The following CLIC5 variants were observed in gnomAD, a reference collection of about 807,000 sequenced individuals.
CLIC5 encodes chloride intracellular channel protein 5.
A neutral mutation model predicts 24.7 loss-of-function variants in CLIC5; 20 were observed. The ratio of observed to expected loss-of-function variants is 0.81; its 90% CI spans 0.57 to 1.18. The LOEUF (loss-of-function observed/expected upper bound fraction) is 1.18, where lower values mean the gene tolerates loss of function less well. CLIC5 is among the 50% of genes most tolerant of loss of function. CLIC5 has a pLI of 0.00. For synonymous variants in CLIC5, 159 were observed against 135.6 expected, an observed-to-expected ratio of 1.17 and a Z score of -1.20; for missense variants, 341 against 326.1, an observed-to-expected ratio of 1.05 and a Z score of -0.35.
At chr6:45,914,153 G>A in intron 5 of CLIC5, 75 bp downstream of exon 5, 1 of 1,280,974 alleles carries the variant, frequency 7.8e-7, no homozygotes. Context: ...TACTGTCCTT[G>A]ACTCATCCAC....
intron 1 of CLIC5, among the ~76,000 whole-genome samples, chr6:45,973,899 C>T (rs1765287067): frequency 1.4e-5 from 2 of 147,090 alleles, no homozygotes; most frequent in Admixed American, 6.8e-5. Flanking sequence ...CACTGCACTC[C>T]AGCCTGGCAA....
At chr6:46,089,583 T>C in the CLIC5 span, among the ~76,000 whole-genome samples, 3 of 152,036 alleles carry the variant, frequency 2.0e-5, no homozygotes, top group African/African-American at 7.2e-5. Context: ...TGCTATCGGG[T>C]GACACAAATC....
chr6:46,015,420 T>A, intron 1 of CLIC5, 60 bp downstream of exon 1: 1 of 1,450,982 alleles, frequency 6.9e-7, no homozygotes, highest in Non-Finnish European at 9.2e-7. Flanking sequence ...CCCCGAGCCC[T>A]GGTGGGTGAG....
At chr6:45,976,692 C>T (rs1458316770) in intron 1 of CLIC5, among the ~76,000 whole-genome samples, 1 of 152,210 alleles carries the variant, frequency 6.6e-6, no homozygotes, top group African/African-American at 2.4e-5. Flanking sequence ...CATCGTACTA[C>T]AGTTTTGTCC....
chr6:46,107,361 C>T, the CLIC5 span, among the ~76,000 whole-genome samples: 1 of 152,184 alleles, frequency 6.6e-6, no homozygotes, highest in Admixed American at 6.5e-5. Flanking sequence ...CCCTTTCTCC[C>T]TGGCTCAGTT....
intron 1 of CLIC5, among the ~76,000 whole-genome samples, chr6:46,029,935 T>C (rs1767451502): frequency 6.6e-6 from 1 of 152,178 alleles, no homozygotes; most frequent in Non-Finnish European, 1.5e-5. Flanking sequence ...AGATCTGCAG[T>C]TGTGATGGGC....
intron 5 of CLIC5, chr6:45,912,253 A>T: frequency 1.0e-6 from 1 of 990,626 alleles, no homozygotes; most frequent in Non-Finnish European, 1.2e-6. Context: ...ATCAGCAGAA[A>T]TCCAAAGAGA....
At chr6:45,929,799 G>A (rs114209230) in intron 4 of CLIC5, among the ~76,000 whole-genome samples, 319 of 152,296 alleles carry the variant, frequency 2.1e-3, no homozygotes, top group African/African-American at 7.1e-3. Flanking sequence ...GGAGCCCCAC[G>A]GCCACCTAAG....
At chr6:46,057,282 A>T (rs1426695654) in intron 1 of CLIC5, among the ~76,000 whole-genome samples, 2 of 152,190 alleles carry the variant, frequency 1.3e-5, no homozygotes, top group African/African-American at 4.8e-5. Context: ...TGCTATTTTC[A>T]TGACAGTGAA....
chr6:45,903,907 A>G (rs1762578477), intron 5 of CLIC5, among the ~76,000 whole-genome samples: 1 of 152,224 alleles, frequency 6.6e-6, no homozygotes, highest in African/African-American at 2.4e-5. Context: ...AAAAAAAACC[A>G]TGAAAAGCAA....
the CLIC5 span, among the ~76,000 whole-genome samples, chr6:46,123,822 C>G: frequency 3.9e-5 from 6 of 152,152 alleles, no homozygotes; most frequent in Non-Finnish European, 7.3e-5. Context: ...TGAGTGAACT[C>G]CCATTCACAA....
chr6:45,947,026 G>A (rs1215461593), intron 3 of CLIC5, among the ~76,000 whole-genome samples: 1 of 152,198 alleles, frequency 6.6e-6, no homozygotes, highest in Non-Finnish European at 1.5e-5. Context: ...GGACAGGGAA[G>A]GTAGGTGGAG....
the CLIC5 span, among the ~76,000 whole-genome samples, chr6:46,117,599 A>G: frequency 2.6e-5 from 4 of 152,374 alleles, no homozygotes; most frequent in African/African-American, 9.6e-5. Context: ...ACTATTAGGA[A>G]GAATGTTTAT....
intron 1 of CLIC5, among the ~76,000 whole-genome samples, chr6:45,987,446 T>A (rs6458480): frequency 0.5 from 76,148 of 151,714 alleles, 19,909 homozygotes; most frequent in East Asian, 0.77. Flanking sequence ...GTGTTTATTG[T>A]TTTGTTAGCT....
At chr6:46,058,402 G>A (rs1459988971) in intron 1 of CLIC5, among the ~76,000 whole-genome samples, 1 of 152,164 alleles carries the variant, frequency 6.6e-6, no homozygotes, top group African/African-American at 2.4e-5. Flanking sequence ...AATAATCAGA[G>A]ATATTAAGGA....
At chr6:45,912,870 A>G in intron 5 of CLIC5, 2 of 674,408 alleles carry the variant, frequency 3.0e-6, no homozygotes, top group South Asian at 1.6e-5. Context: ...TTTTCTAAAT[A>G]GGTTGTATTT....
chr6:46,096,931 G>A, the CLIC5 span, among the ~76,000 whole-genome samples: 6 of 152,208 alleles, frequency 3.9e-5, no homozygotes, highest in African/African-American at 1.2e-4. Context: ...AGTAAGCAGA[G>A]ATTATTTGGA....
intron 4 of CLIC5, among the ~76,000 whole-genome samples, chr6:45,932,056 T>G (rs942188659): frequency 3.3e-5 from 5 of 152,200 alleles, no homozygotes; most frequent in Non-Finnish European, 7.4e-5. Flanking sequence ...TTTCTGTTGA[T>G]GGGATACTCA....
intron 5 of CLIC5, among the ~76,000 whole-genome samples, chr6:45,910,040 AT>A (rs1396235740): frequency 1.3e-5 from 2 of 152,164 alleles, no homozygotes; most frequent in South Asian, 4.1e-4. Flanking sequence ...ATCTGGGAAC[AT>A]TTTTTCCCCT....
Sources: allele counts gnomAD v4.1 joint callset (sites outside exome capture counted in the v4.1 genomes callset), GRCh38; gene constraint gnomAD v4.1.1; transcripts MANE v1.5; gene names NCBI Gene and HGNC (gene_info 2026-07-23, HGNC 2026-07-21).